The following USP28 variants were observed in gnomAD, a reference collection of about 807,000 sequenced individuals.
USP28 encodes ubiquitin specific peptidase 28, also known as ubiquitin carboxyl-terminal hydrolase 28.
In USP28, 113 loss-of-function variants were observed where a neutral mutation model predicts 145.0. The ratio of observed to expected loss-of-function variants is 0.78; its 90% CI spans 0.67 to 0.91. The LOEUF (loss-of-function observed/expected upper bound fraction) is 0.91, where lower values mean the gene tolerates loss of function less well. Among genes scored for constraint, USP28 ranks in the 40% least tolerant of loss-of-function variants. The probability of loss-of-function intolerance (pLI) is 0.00; values close to 1 mark genes in which losing one functional copy is unlikely to be tolerated. For synonymous variants in USP28, 447 were observed against 450.9 expected (o/e 0.99, Z 0.11); for missense variants, 1,201 against 1,289.6 (o/e 0.93, Z 1.05).
At chr11:113,874,973 G>A in intron 1 of USP28, 13 of 954,328 alleles carry the variant, frequency 1.4e-5, no homozygotes, top group Non-Finnish European at 1.6e-5. Flanking sequence ...TGGGACCCCT[G>A]GTCTTATAGA....
chr11:113,805,653 GACTTAA>G lies in USP28; in HGVS notation c.2401-613_2401-608del, dbSNP rs113605808. On this transcript the variant is annotated intron_variant, in intron 19 of 24. Coordinates refer to ENST00000003302, the Ensembl canonical transcript of USP28. ...AAAAGGCAGATCCTTGTGTGTCAATGACTTAAACTTAAAGAATCTATACAAATGCAA... is the reference window on the plus strand; with the variant it reads ...AAAAGGCAGATCCTTGTGTGTCAATGACTTAAAGAATCTATACAAATGCAA... 9.0e-3 allele frequency among the ~76,000 whole-genome samples: 1,371 copies of G among 152,296 alleles called. 20 individuals are homozygous for G. Among genetic ancestry groups the G allele is most frequent in the African/African-American group, 0.031 (1,272 of 41,556 alleles).
chr11:113,842,205 G>A (rs980100158), intron 3 of USP28, among the ~76,000 whole-genome samples: 10 of 151,946 alleles, frequency 6.6e-5, no homozygotes, highest in Non-Finnish European at 1.2e-4. Flanking sequence ...AAACTCACAC[G>A]TGATACAAAA....
intron 5 of USP28, 98 bp from the exon 6 acceptor site, chr11:113,834,433 G>T: frequency 2.3e-6 from 2 of 851,364 alleles, no homozygotes; most frequent in Non-Finnish European, 3.4e-6. Flanking sequence ...ATATTTAAAA[G>T]TATGCAAAAC....
exon 5 of USP28, chr11:113,840,755 A>C (rs1945103411): frequency 1.2e-6 from 2 of 1,613,968 alleles, no homozygotes; most frequent in African/African-American, 2.7e-5. Flanking sequence ...TGCTTCATGC[A>C]TCCTATATTG....
At chr11:113,809,887 T>C (rs1299442477) in intron 16 of USP28, among the ~76,000 whole-genome samples, 1 of 151,906 alleles carries the variant, frequency 6.6e-6, no homozygotes, top group Non-Finnish European at 1.5e-5. Context: ...ATACAAAAAT[T>C]AGTCAAGCGT....
intron 24 of USP28, 43 bp from the exon 26 acceptor site, chr11:113,799,458 T>C: frequency 6.3e-7 from 1 of 1,581,592 alleles, no homozygotes; most frequent in Non-Finnish European, 8.6e-7. Flanking sequence ...GCTAAACAGA[T>C]TTCTGAGTAA....
intron 5 of USP28, among the ~76,000 whole-genome samples, chr11:113,838,161 TCTC>T (rs1944785135): frequency 6.6e-6 from 1 of 152,178 alleles, no homozygotes. Context: ...TCAGCTATCT[TCTC>T]CATCTGCTGG....
intron 4 of USP28, among the ~76,000 whole-genome samples, chr11:113,840,986 A>G (rs1945136641): frequency 6.6e-6 from 1 of 152,232 alleles, no homozygotes; most frequent in Non-Finnish European, 1.5e-5. Flanking sequence ...AATAAGGTCC[A>G]TGATTGAACT....
chr11:113,843,671 CAAAAA>C (rs573054023), intron 3 of USP28, among the ~76,000 whole-genome samples: 1 of 61,936 alleles, frequency 1.6e-5, no homozygotes, highest in Non-Finnish European at 3.3e-5. Context: ...AACTCTATCT[CAAAAA>C]AAAAAAAAAA....
At chr11:113,823,423 C>A (rs892245890) in intron 12 of USP28, among the ~76,000 whole-genome samples, 182 bp downstream of exon 12, 1 of 152,126 alleles carries the variant, frequency 6.6e-6, no homozygotes, top group South Asian at 2.1e-4. Context: ...CTATTATTTA[C>A]CCCCATGAAT....
At chr11:113,873,909 G>C (rs559213003) in intron 1 of USP28, among the ~76,000 whole-genome samples, 1 of 152,108 alleles carries the variant, frequency 6.6e-6, no homozygotes, top group South Asian at 2.1e-4. Context: ...TTGGGAGGCC[G>C]AGGCGGGCGG....
chr11:113,860,535 G>A (rs1252701600), intron 1 of USP28, among the ~76,000 whole-genome samples: 1 of 152,102 alleles, frequency 6.6e-6, no homozygotes, highest in Non-Finnish European at 1.5e-5. Flanking sequence ...ACTCTGGCCA[G>A]GTGCAGTGGC....
chr11:113,838,504 AGCTATTT>A (rs755893172), intron 5 of USP28, among the ~76,000 whole-genome samples: 1 of 152,184 alleles, frequency 6.6e-6, no homozygotes, highest in Non-Finnish European at 1.5e-5. Flanking sequence ...ACTCCGTCTT[AGCTATTT>A]GCTATTTGTC....
chr11:113,852,174 G>A (rs1362058691), intron 3 of USP28, among the ~76,000 whole-genome samples: 1 of 152,056 alleles, frequency 6.6e-6, no homozygotes, highest in Non-Finnish European at 1.5e-5. Context: ...GACTACAGGT[G>A]CCCACCACCA....
At chr11:113,843,579 G>A (rs1165332900) in intron 3 of USP28, among the ~76,000 whole-genome samples, 2 of 150,640 alleles carry the variant, frequency 1.3e-5, no homozygotes, top group East Asian at 3.9e-4. Context: ...GCTGAGGCAG[G>A]AGGACGGCTT....
chr11:113,872,224 G>T (rs570949583), intron 1 of USP28, among the ~76,000 whole-genome samples: 2 of 152,282 alleles, frequency 1.3e-5, no homozygotes, highest in South Asian at 4.1e-4. Flanking sequence ...CTATTTGCCA[G>T]TAAGTCTTAA....
chr11:113,850,114 TAAC>T (rs1565464406), intron 3 of USP28, among the ~76,000 whole-genome samples: 2 of 152,036 alleles, frequency 1.3e-5, no homozygotes, highest in African/African-American at 4.8e-5. Context: ...CAATCTAAGA[TAAC>T]AAATTTGAGA....
At position 113,804,722 on chromosome 11, in the gene USP28, G is replaced by A. The variant is rs141747464; in HGVS notation, c.2609C>T (p.Ala870Val). The A allele has an allele frequency of 5.9e-5, 95 of 1,614,002 alleles. No homozygotes were observed. Among genetic ancestry groups the A allele is most frequent in the African/African-American group, 2.4e-4 (18 of 74,958 alleles). ...ATCTGGACCAATTTCCTTCAGTTTC[G>A]CTTGAGCCACCTTCATAATGCTGAT... is the stretch of plus-strand genomic sequence containing the variant. Residue 870 changes from alanine to valine, a missense_variant, in exon 21 of 25, where the codon GCG (alanine) becomes GTG (valine). By Grantham distance (64) the Ala-to-Val change is moderately conservative (BLOSUM62 0). Coordinates refer to ENST00000003302, the Ensembl canonical transcript of USP28.
intron 11 of USP28, among the ~76,000 whole-genome samples, chr11:113,824,166 A>G (rs1429331252): frequency 1.3e-5 from 2 of 152,196 alleles, no homozygotes; most frequent in East Asian, 3.8e-4. Context: ...AATGAAATTA[A>G]AAGCAGGAAT....
Sources: allele counts gnomAD v4.1 joint callset (sites outside exome capture counted in the v4.1 genomes callset), GRCh38; gene constraint gnomAD v4.1.1; transcripts MANE v1.5; gene names NCBI Gene and HGNC (gene_info 2026-07-23, HGNC 2026-07-21).